Variants in OR6N2 observed in about 807,000 individuals in gnomAD.
The protein encoded by OR6N2 is olfactory receptor 6N2.
For missense variants in OR6N2, 399 were observed against 379.7 expected, an observed-to-expected ratio of 1.05 and a Z score of -0.42; for synonymous variants, 160 against 138.3, an observed-to-expected ratio of 1.16 and a Z score of -1.10.
chr1:158,778,904 A>T (rs540502827), intron 1 of OR6N2, among the ~76,000 whole-genome samples: 533 of 151,402 alleles, frequency 3.5e-3, no homozygotes, highest in Middle Eastern at 6.8e-3. Flanking sequence ...TGCAGTTCCC[A>T]GCTACTCCGG....
chr1:158,780,255 C>T (rs1174285653), intron 1 of OR6N2, among the ~76,000 whole-genome samples: 1 of 152,088 alleles, frequency 6.6e-6, no homozygotes, highest in African/African-American at 2.4e-5. Flanking sequence ...GTAATGTTTC[C>T]CCTTTATACA....
At chr1:158,777,978 A>G (rs1372259502) in intron 1 of OR6N2, among the ~76,000 whole-genome samples, 3 of 152,214 alleles carry the variant, frequency 2.0e-5, no homozygotes, top group Non-Finnish European at 2.9e-5. Context: ...TATAGATACT[A>G]TTTCACAGAA....
Position 158,776,645 on chromosome 1 carries a change from A to C in OR6N2, c.*37T>G. 1 of 1,261,284 alleles carries C rather than the reference A, an allele frequency of 7.9e-7. No homozygotes were observed. Among genetic ancestry groups the C allele is most frequent in the Non-Finnish European group, 1.1e-6 (1 of 893,766 alleles). The allele number at this position is 1,261,284 out of a possible 1,614,324, so 78.1% of individuals were successfully genotyped here. ...AAGATTACTCAAGGAACTTTTATGA[A>C]TTGAACATTGAGGTGAGAAAGGACA... On this transcript the variant is annotated 3_prime_UTR_variant, in exon 2 of 2. Coordinates refer to ENST00000641131, the MANE Select transcript of OR6N2 (RefSeq NM_001005278.2).
Position 158,774,572 on chromosome 1 carries a change from C to T in OR6N2, c.*2110G>A, listed in dbSNP as rs898942450. The stretch of plus-strand genomic sequence containing the variant: ...AGTTAGACAGCTAATTATAAACATA[C>T]ATTTATCGTGTGACCTAGCAATCCT... On this transcript the variant is annotated 3_prime_UTR_variant, in exon 2 of 2. Transcript: ENST00000641131. 7 of 152,162 alleles carry T rather than the reference C, an allele frequency of 4.6e-5. No homozygotes were observed. The highest frequency in any genetic ancestry group is 1.3e-4 in the Admixed American group (2 of 15,278). The allele number at this position is 152,162 out of a possible 1,614,324, so 9.4% of individuals were successfully genotyped here. A position where few individuals can be genotyped will look rare whatever the true frequency, so the allele number is the denominator to read the frequency against.
chr1:158,778,197 A>G (rs1657658477), intron 1 of OR6N2, among the ~76,000 whole-genome samples: 1 of 152,234 alleles, frequency 6.6e-6, no homozygotes, highest in East Asian at 1.9e-4. Context: ...GTCAGGCAGA[A>G]AGAACACAAA....
At chr1:158,780,607 C>T (rs1406853597) in intron 1 of OR6N2, among the ~76,000 whole-genome samples, 2 of 152,172 alleles carry the variant, frequency 1.3e-5, no homozygotes, top group Non-Finnish European at 2.9e-5. Context: ...TTGCATTAGC[C>T]TACAGTTGGG....
intron 1 of OR6N2, 31 bp downstream of exon 1, chr1:158,781,139 A>G (rs1270971177): frequency 6.6e-6 from 1 of 152,212 alleles, no homozygotes; most frequent in Non-Finnish European, 1.5e-5. Flanking sequence ...TCCCTGATCA[A>G]TATAGTTAAT....
chr1:158,776,660 G>T lies in OR6N2; in HGVS notation c.*22C>A. 1 of 1,419,604 alleles carries T rather than the reference G, an allele frequency of 7.0e-7. No homozygotes were observed. Among genetic ancestry groups the T allele is most frequent in the Non-Finnish European group, 9.8e-7 (1 of 1,024,172 alleles). The allele number at this position is 1,419,604 out of a possible 1,614,324, so 87.9% of individuals were successfully genotyped here. A position where few individuals can be genotyped will look rare whatever the true frequency, so the allele number is the denominator to read the frequency against. On this transcript the variant is annotated 3_prime_UTR_variant, in exon 2 of 2. Coordinates refer to ENST00000641131, the MANE Select transcript of OR6N2 (RefSeq NM_001005278.2). ...ACTTTTATGAATTGAACATTGAGGTGAGAAAGGACATGGGAAGAAAGTCAA... is the reference window on the plus strand; with the variant it reads ...ACTTTTATGAATTGAACATTGAGGTTAGAAAGGACATGGGAAGAAAGTCAA...
chr1:158,775,726 T>C lies in OR6N2; in HGVS notation c.*956A>G, dbSNP rs951995110. The C allele has an allele frequency of 6.6e-6, 1 of 151,738 alleles. No homozygotes were observed. The highest frequency in any genetic ancestry group is 2.4e-5 in the African/African-American group (1 of 41,322). 9.4% of individuals were successfully genotyped at this position (151,738 alleles called of 1,614,324 possible). A position where few individuals can be genotyped will look rare whatever the true frequency, so the allele number is the denominator to read the frequency against. On this transcript the variant is annotated 3_prime_UTR_variant, in exon 2 of 2. Transcript: ENST00000641131. ...AAAGAGTATAAGAAATAAATTGATT[T>C]AAGAATATATTTTGTGAAAAGATTG...
chr1:158,778,249 C>G (rs1387273532), intron 1 of OR6N2, among the ~76,000 whole-genome samples: 1 of 152,088 alleles, frequency 6.6e-6, no homozygotes, highest in Non-Finnish European at 1.5e-5. Flanking sequence ...AGCTTACAAC[C>G]CTGTAGAGAA....
chr1:158,778,858 CAAA>C (rs943148155), intron 1 of OR6N2, among the ~76,000 whole-genome samples: 1 of 146,782 alleles, frequency 6.8e-6, no homozygotes, highest in Non-Finnish European at 1.5e-5. Context: ...ACTAAAAATA[CAAA>C]AAAAAAATCA....
chr1:158,777,347 A>G lies in OR6N2; in HGVS notation c.289T>C (p.Cys97Arg), dbSNP rs148621650. 2.2e-5 allele frequency: 36 copies of G among 1,614,238 alleles called. No homozygotes were observed. The African/African-American group carries it at 3.7e-4, about 17-fold the overall frequency. Residue 97 changes from cysteine (C) to arginine (R), a missense_variant, in exon 2 of 2, where the codon TGC (cysteine) becomes CGC (arginine). Coordinates refer to ENST00000641131, the MANE Select transcript of OR6N2 (RefSeq NM_001005278.2). The part of the protein sequence containing the change: ...SEKKTISFAG[C>R]LLQTYFFHSL... ...TGGAAGAAGTAGGTCTGAAGGAGGC[A>G]TCCTGCAAAAGAAATGGTTTTCTTC...
At chr1:158,780,193 T>C (rs923775571) in intron 1 of OR6N2, among the ~76,000 whole-genome samples, 9 of 152,174 alleles carry the variant, frequency 5.9e-5, no homozygotes, top group Non-Finnish European at 8.8e-5. Flanking sequence ...CCAGAGAAAT[T>C]AAATTCAAGA....
chr1:158,776,699 T>A lies in OR6N2; in HGVS notation c.937A>T (p.Ser313Cys). 6.2e-7 allele frequency: 1 copy of A among 1,603,876 alleles called. No homozygotes were observed. Among genetic ancestry groups the A allele is most frequent in the Non-Finnish European group, 8.5e-7 (1 of 1,173,004 alleles). The change falls in exon 2 of 2, where the codon AGT becomes TGT. Residue 313 changes from serine (S) to cysteine (C), a missense_variant. Transcript: ENST00000641131. Reference sequence around the variant, plus strand: ...GAAGAAAGTCAAAGATGAGCAAGACTAGCTTTATCTCCCTTCTGGAAGATG... The same window carrying A: ...GAAGAAAGTCAAAGATGAGCAAGACAAGCTTTATCTCCCTTCTGGAAGATG... ...RTIFQKGDKASLAHL is the reference protein window; with the variant it reads ...RTIFQKGDKACLAHL
chr1:158,777,613 C>T lies in OR6N2; in HGVS notation c.23G>A (p.Ser8Asn). ...GCCAAGGAACACAAATTCAGCCAGG[C>T]TTGAATGGTTGTATTGATCCATGGG... MDQYNHS[S>N]LAEFVFLGFA... Residue 8 changes from serine to asparagine, a missense_variant, in exon 2 of 2, where the codon AGC (serine) becomes AAC (asparagine). Physicochemically the swap from Ser to Asn is conservative, Grantham distance 46. Coordinates refer to ENST00000641131, the MANE Select transcript of OR6N2 (RefSeq NM_001005278.2). 6.2e-7 allele frequency: 1 copy of T among 1,613,170 alleles called. No individual in the cohort carries two copies. The highest frequency in any genetic ancestry group is 8.5e-7 in the Non-Finnish European group (1 of 1,179,552).
rs1657529980 is a variant in OR6N2, at chr1:158,774,480, T to A, written c.*2202A>T. 1 of 152,150 alleles carries A rather than the reference T, an allele frequency of 6.6e-6. No individual in the cohort carries two copies. The highest frequency in any genetic ancestry group is 6.5e-5 in the Admixed American group (1 of 15,268). The allele number at this position is 152,150 out of a possible 1,614,324, so 9.4% of individuals were successfully genotyped here. A position where few individuals can be genotyped will look rare whatever the true frequency, so the allele number is the denominator to read the frequency against. ...GGAAAGCTGCCCAGGCTGAATGAAC[T>A]CTCACTACACATGCCCCACATTGTA... is the stretch of plus-strand genomic sequence containing the variant. On this transcript the variant is annotated 3_prime_UTR_variant, in exon 2 of 2. Transcript: ENST00000641131.
Position 158,774,605 on chromosome 1 carries a change from T to C in OR6N2, c.*2077A>G, listed in dbSNP as rs542680960. The C allele has an allele frequency of 1.1e-4, 17 of 152,316 alleles. No homozygotes were observed. The highest frequency in any genetic ancestry group is 6.2e-4 in the South Asian group (3 of 4,830). 9.4% of individuals were successfully genotyped at this position (152,316 alleles called of 1,614,324 possible). A position where few individuals can be genotyped will look rare whatever the true frequency, so the allele number is the denominator to read the frequency against. On this transcript the variant is annotated 3_prime_UTR_variant, in exon 2 of 2. Transcript: ENST00000641131. ...GTGTGACCTAGCAATCCTATACTTATGCATTTTCCCAAATGACATGAAAAT... is the reference window on the plus strand; with the variant it reads ...GTGTGACCTAGCAATCCTATACTTACGCATTTTCCCAAATGACATGAAAAT...
At chr1:158,779,267 C>T (rs891785762) in intron 1 of OR6N2, among the ~76,000 whole-genome samples, 1 of 152,062 alleles carries the variant, frequency 6.6e-6, no homozygotes, top group African/African-American at 2.4e-5. Flanking sequence ...GCAACCAGTG[C>T]CAGTCACACC....
rs201184276 is a variant in OR6N2, at chr1:158,777,509, T to A, written c.127A>T (p.Met43Leu). The change falls in exon 2 of 2, where the codon ATG becomes TTG. Residue 43 changes from methionine to leucine, a missense_variant. Physicochemically the swap from Met to Leu is conservative, Grantham distance 15. Coordinates refer to ENST00000641131, the MANE Select transcript of OR6N2 (RefSeq NM_001005278.2). ...AGTCGGATGACTGAGAAGATGAGCA[T>A]GTTACCACAGATGGTGAACAGGTAT... Reference protein sequence around the residue: ...LAYLFTICGNMLIFSVIRLDA... With the variant: ...LAYLFTICGNLLIFSVIRLDA... 1 of 1,614,190 alleles carries A rather than the reference T, an allele frequency of 6.2e-7. No homozygotes were observed. Among genetic ancestry groups the A allele is most frequent in the Non-Finnish European group, 8.5e-7 (1 of 1,180,014 alleles).
Sources: gnomAD v4.1 joint callset for allele counts (sites outside exome capture counted in the v4.1 genomes callset) on GRCh38, gnomAD v4.1.1 for gene constraint, MANE v1.5 for transcripts, NCBI Gene and HGNC (gene_info 2026-07-23, HGNC 2026-07-21) for gene names.